Variants in PXDN observed in about 807,000 individuals in gnomAD.
PXDN encodes peroxidasin, also known as peroxidasin homolog.
PXDN carries 77 observed loss-of-function variants against 140.3 expected under a neutral mutation model. That is an observed-to-expected ratio of 0.55 (90% CI 0.46 to 0.66). The LOEUF (loss-of-function observed/expected upper bound fraction) is 0.66, where lower values mean the gene tolerates loss of function less well. Among genes scored for constraint, PXDN ranks in the 30% least tolerant of loss-of-function variants. The pLI, the probability that PXDN is intolerant of heterozygous loss-of-function variation, is 0.00. For missense variants in PXDN, 1,838 were observed against 2,039.5 expected, an observed-to-expected ratio of 0.90 and a Z score of 1.90; for synonymous variants, 911 against 857.4, an observed-to-expected ratio of 1.06 and a Z score of -1.09.
intron 1 of PXDN, among the ~76,000 whole-genome samples, chr2:1,694,349 T>C (rs1165780687): frequency 2.0e-5 from 3 of 152,202 alleles, no homozygotes; most frequent in Non-Finnish European, 4.4e-5. Context: ...GTTTGTAGAA[T>C]TGGTTCTAGT....
rs770178167 is a variant in PXDN, at chr2:1,744,451, G to A, written c.5C>T (p.Ala2Val). The A allele has an allele frequency of 2.0e-6, 3 of 1,469,764 alleles. No homozygotes were observed. In the African/African-American group the frequency reaches 4.4e-5, roughly 22 times the overall value. 91.0% of individuals were successfully genotyped at this position (1,469,764 alleles called of 1,614,324 possible). The change falls in exon 1 of 23, where the codon GCC becomes GTC. Residue 2 changes from alanine (A) to valine (V), a missense_variant. By Grantham distance (64) the Ala-to-Val change is moderately conservative. Around this residue, in one of 5 missense-constraint regions of PXDN, gnomAD observed 231 missense variants for 201.5 expected, o/e 1.15. Coordinates refer to ENST00000252804, the MANE Select transcript of PXDN (RefSeq NM_012293.3). M[A>V]KRSRGPGRRC... ...GCGCCCGGGGCCCCTGGAGCGCTTGGCCATGGCCGACGGCGCGGACGGACG... is the reference window on the plus strand; with the variant it reads ...GCGCCCGGGGCCCCTGGAGCGCTTGACCATGGCCGACGGCGCGGACGGACG...
At position 1,660,827 on chromosome 2, in the gene PXDN, G is replaced by T; in HGVS notation, c.1837+54C>A. The T allele has an allele frequency of 6.4e-7, 1 of 1,568,028 alleles. No homozygotes were observed. On this transcript the variant is annotated intron_variant, in intron 14 of 22. Coordinates refer to ENST00000252804, the MANE Select transcript of PXDN (RefSeq NM_012293.3). The surrounding 1 kb of genome is among the most constrained non-coding windows in gnomAD (Gnocchi z 4.6). The stretch of plus-strand genomic sequence containing the variant: ...TGGCCTGGGACCACACTAGGGACCT[G>T]CGGGCTTTCTTTGTGGATACCATGT...
chr2:1,742,073 C>A (rs1033896391), intron 1 of PXDN, among the ~76,000 whole-genome samples: 1 of 152,186 alleles, frequency 6.6e-6, no homozygotes, highest in African/African-American at 2.4e-5. Context: ...CCAGGAGACA[C>A]GGGACTTGCT....
chr2:1,740,693 C>T (rs1365540583), intron 1 of PXDN, among the ~76,000 whole-genome samples: 1 of 152,144 alleles, frequency 6.6e-6, no homozygotes, highest in Non-Finnish European at 1.5e-5. Context: ...CCCAGGAAGC[C>T]CCCTGACTCT....
At position 1,649,797 on chromosome 2, in the gene PXDN, G is replaced by T; in HGVS notation, c.2105-122C>A. 8.6e-7 allele frequency: 1 copy of T among 1,163,048 alleles called. No individual in the cohort carries two copies. The highest frequency in any genetic ancestry group is 1.2e-6 in the Non-Finnish European group (1 of 800,360). The allele number at this position is 1,163,048 out of a possible 1,614,324, so 72.0% of individuals were successfully genotyped here. ...CTACCCCCAGCTCATGAAACCTGTTGTGCGCCATGCAACAAGCGCTTCCTG... is the reference window on the plus strand; with the variant it reads ...CTACCCCCAGCTCATGAAACCTGTTTTGCGCCATGCAACAAGCGCTTCCTG... On this transcript the variant is annotated intron_variant, in intron 16 of 22. Coordinates refer to ENST00000252804, the MANE Select transcript of PXDN (RefSeq NM_012293.3). The surrounding 1 kb of genome is among the most constrained non-coding windows in gnomAD (Gnocchi z 7.1).
At chr2:1,683,572 A>G in intron 6 of PXDN, 84 bp downstream of exon 6, 1 of 641,988 alleles carries the variant, frequency 1.6e-6, no homozygotes, top group South Asian at 2.7e-5. Context: ...ACATTTCACA[A>G]TACTTGAAAA....
chr2:1,713,757 CCT>C (rs1176870150), intron 1 of PXDN, among the ~76,000 whole-genome samples: 2 of 152,252 alleles, frequency 1.3e-5, no homozygotes, highest in Non-Finnish European at 2.9e-5. Context: ...GCCCCGGGCC[CCT>C]GAGAGGTAAG....
In PXDN at chr2:1,649,266, C is replaced by T; in HGVS notation, c.2514G>A (p.Gln838=). The part of the protein sequence containing the change: ...DLDSTVVALS[Q]ARFSDGQHCS... ...AGTGCTGTCCGTCGGAGAAGCGTGC[C>T]TGGCTCAGGGCCACCACCGTGGAGT... The change falls in exon 17 of 23, where the codon CAG becomes CAA. Residue 838 remains glutamine, a synonymous_variant. Coordinates refer to ENST00000252804, the MANE Select transcript of PXDN (RefSeq NM_012293.3). This position sits in a 1 kb window ranked among gnomAD's most constrained non-coding sequence, Gnocchi z 7.1. 2 of 1,613,272 alleles carry T rather than the reference C, an allele frequency of 1.2e-6. No homozygotes were observed. Among genetic ancestry groups the T allele is most frequent in the African/African-American group, 2.7e-5 (2 of 75,034 alleles).
intron 1 of PXDN, among the ~76,000 whole-genome samples, chr2:1,732,409 G>A (rs1572202327): frequency 1.3e-5 from 2 of 151,814 alleles, no homozygotes; most frequent in African/African-American, 2.4e-5. Flanking sequence ...AGGGATCACA[G>A]GGTCACACAC....
At chr2:1,665,233 G>A (rs557462482) in intron 10 of PXDN, among the ~76,000 whole-genome samples, 159 bp from the exon 11 acceptor site, 9 of 152,286 alleles carry the variant, frequency 5.9e-5, no homozygotes, top group African/African-American at 1.9e-4. Flanking sequence ...GAGAAGATGG[G>A]AGCAGAACGG....
At chr2:1,743,650 G>A (rs1351398894) in intron 1 of PXDN, among the ~76,000 whole-genome samples, 1 of 144,576 alleles carries the variant, frequency 6.9e-6, no homozygotes, top group Non-Finnish European at 1.5e-5. Context: ...AAGGAAGGGG[G>A]GGAGGAGGAG....
In PXDN at chr2:1,643,758, AG is replaced by A. The variant is rs377526680; in HGVS notation, c.3744-183del. 3.2e-3 allele frequency among the ~76,000 whole-genome samples: 482 copies of A among 152,186 alleles called. 1 individual carries two copies. Among genetic ancestry groups the A allele is most frequent in the African/African-American group, 0.011 (454 of 41,514 alleles). ...ATCCCCTACCCCATAACAAAACCAAAGGCAGACAATCTGGTGTAAAAATGAC... is the reference window on the plus strand; with the variant it reads ...ATCCCCTACCCCATAACAAAACCAAAGCAGACAATCTGGTGTAAAAATGAC... On this transcript the variant is annotated intron_variant, in intron 18 of 22. Transcript: ENST00000252804.
rs1682922040 is a variant in PXDN, at chr2:1,648,717, G to C, written c.3063C>G (p.Ile1021Met). Residue 1021 changes from isoleucine to methionine, a missense_variant, in exon 17 of 23, where the codon ATC (isoleucine) becomes ATG (methionine). This residue lies in a region of PXDN where 850 missense variants were observed against 894.1 expected (regional missense o/e 0.95). Transcript: ENST00000252804. The surrounding 1 kb of genome is among the most constrained non-coding windows in gnomAD (Gnocchi z 8.9). ...TGATGTGCTGGATCTCCGCACCCAC[G>C]ATCTTCCTGGTCTCATAGTAGATGG... is the stretch of plus-strand genomic sequence containing the variant. ...GDTIYYETRK[I>M]VGAEIQHITY... 2 of 1,604,718 alleles carry C rather than the reference G, an allele frequency of 1.2e-6. No individual in the cohort carries two copies. The highest frequency in any genetic ancestry group is 1.3e-5 in the African/African-American group (1 of 74,868).
chr2:1,649,099 A>G lies in PXDN; in HGVS notation c.2681T>C (p.Met894Thr), dbSNP rs1416738275. The change falls in exon 17 of 23, where the codon ATG (methionine) becomes ACG (threonine). Residue 894 changes from methionine to threonine, a missense_variant. Met to Thr is a moderately conservative substitution (Grantham distance 81, BLOSUM62 -1). Around this residue, in one of 5 missense-constraint regions of PXDN, gnomAD observed 850 missense variants for 894.1 expected, o/e 0.95. Transcript: ENST00000252804. The surrounding 1 kb of genome is among the most constrained non-coding windows in gnomAD (Gnocchi z 7.1). ...VCGSGMTSLLMNSVYPREQIN... is the reference protein window; with the variant it reads ...VCGSGMTSLLTNSVYPREQIN... ...CTGCTCCCGCGGGTACACGGAGTTC[A>G]TGAGCAGCGAAGTCATGCCGCTGCC... 6.8e-6 allele frequency: 11 copies of G among 1,612,528 alleles called. No individual in the cohort carries two copies. Among genetic ancestry groups the G allele is most frequent in the Non-Finnish European group, 6.8e-6 (8 of 1,179,840 alleles).
intron 14 of PXDN, among the ~76,000 whole-genome samples, chr2:1,655,219 C>T (rs1184893221): frequency 1.3e-5 from 2 of 150,824 alleles, no homozygotes; most frequent in African/African-American, 4.9e-5. Flanking sequence ...GAAACACATA[C>T]CACACACAAT....
intron 6 of PXDN, among the ~76,000 whole-genome samples, chr2:1,680,797 C>T (rs926117206): frequency 1.3e-5 from 2 of 152,198 alleles, no homozygotes; most frequent in Admixed American, 6.5e-5. Flanking sequence ...CCCATCATCA[C>T]GGGCAGGACA....
In PXDN at chr2:1,662,111, G is replaced by A; in HGVS notation, c.1641C>T (p.Ser547=). 3 of 1,597,486 alleles carry A rather than the reference G, an allele frequency of 1.9e-6. No homozygotes were observed. The highest frequency in any genetic ancestry group is 2.6e-6 in the Non-Finnish European group (3 of 1,172,512). The stretch of plus-strand genomic sequence containing the variant: ...TGGCTGGCTCGGGCTCGCCCTGGGA[G>A]CTGCACGGGAGCTGCACATTGGCGC... ...EVGANVQLPC[S]SQGEPEPAIT... Residue 547 remains serine (S), a synonymous_variant, in exon 13 of 23, where the codon AGC becomes AGT. Coordinates refer to ENST00000252804, the MANE Select transcript of PXDN (RefSeq NM_012293.3).
Position 1,649,605 on chromosome 2 carries a change from G to A in PXDN, c.2175C>T (p.Ala725=). Residue 725 remains alanine, a synonymous_variant, in exon 17 of 23, where the codon GCC becomes GCT. Transcript: ENST00000252804. The surrounding 1 kb of genome is among the most constrained non-coding windows in gnomAD (Gnocchi z 7.1). ...NLIANLSGCT[A]HRRVNNCSDM... is the part of the protein sequence containing the mutation. ...CCGAGCAGTTGTTCACGCGCCGGTG[G>A]GCGGTACAGCCCGACAGGTTTGCGA... The A allele has an allele frequency of 6.2e-7, 1 of 1,614,032 alleles. No homozygotes were observed. Among genetic ancestry groups the A allele is most frequent in the East Asian group, 2.2e-5 (1 of 44,870 alleles).
chr2:1,706,393 TCCTG>T (rs1266326841), intron 1 of PXDN, among the ~76,000 whole-genome samples: 1 of 151,532 alleles, frequency 6.6e-6, no homozygotes, highest in Non-Finnish European at 1.5e-5. Flanking sequence ...GAATCTTACA[TCCTG>T]CTGGCATTGC....
Sources: gnomAD v4.1 joint callset for allele counts (sites outside exome capture counted in the v4.1 genomes callset) on GRCh38, gnomAD v4.1.1 for gene constraint, gnomAD v4.1.1 regional missense constraint, Gnocchi (gnomAD v3.1) non-coding constraint, MANE v1.5 for transcripts, NCBI Gene and HGNC (gene_info 2026-07-23, HGNC 2026-07-21) for gene names.